Variants in GNE observed in about 807,000 individuals in gnomAD.
GNE encodes the protein glucosamine (UDP-N-acetyl)-2-epimerase/N-acetylmannosamine kinase, also known as bifunctional UDP-N-acetylglucosamine 2-epimerase/N-acetylmannosamine kinase.
In GNE, 41 loss-of-function variants were observed where a neutral mutation model predicts 61.8. That is an observed-to-expected ratio of 0.66 (90% CI 0.52 to 0.86). The LOEUF (loss-of-function observed/expected upper bound fraction) is 0.86, where lower values mean the gene tolerates loss of function less well. Ranked by LOEUF, GNE falls within the 40% of genes least tolerant of loss-of-function variation. The pLI is 0.00. For missense variants in GNE, 608 were observed against 909.1 expected (o/e 0.67, Z 4.26); for synonymous variants, 264 against 326.4 (o/e 0.81, Z 2.06).
chr9:36,216,327 ATGTGTG>A lies in GNE; in HGVS notation c.*1032_*1037del, dbSNP rs10527967. On this transcript the variant is annotated 3_prime_UTR_variant, in exon 12 of 12. Transcript: ENST00000642385. ...TTAGTTTGGGGTTAGAGGAGGAAGG[ATGTGTG>A]TGTGTGTGTGTGTGTGTGTGTAGAC... 2.9e-4 allele frequency: 105 copies of A among 357,594 alleles called. 2 individuals carry two copies. The highest frequency in any genetic ancestry group is 4.5e-4 in the Admixed American group (16 of 35,650). The allele number at this position is 357,594 out of a possible 1,614,324, so 22.2% of individuals were successfully genotyped here. A position where few individuals can be genotyped will look rare whatever the true frequency, so the allele number is the denominator to read the frequency against.
chr9:36,239,973 G>A (rs1244030004), intron 3 of GNE, among the ~76,000 whole-genome samples: 1 of 152,080 alleles, frequency 6.6e-6, no homozygotes, highest in African/African-American at 2.4e-5. Context: ...CTTGGTCGCT[G>A]TTGGTGTATA....
chr9:36,233,080 C>A lies in GNE; in HGVS notation c.982+840G>T, dbSNP rs555864818. The stretch of plus-strand genomic sequence containing the variant: ...TCATCTCCTTGGTTCTAGTCCAGTT[C>A]TTTTTCCTTTAATGATACACACTTT... On this transcript the variant is annotated intron_variant, in intron 5 of 11. Transcript: ENST00000642385. Among the ~76,000 whole-genome samples the A allele has an allele frequency of 2.6e-5, 4 of 152,276 alleles. No individual in the cohort carries two copies. In the South Asian group the frequency reaches 8.3e-4, roughly 32 times the overall value.
chr9:36,265,542 T>A, intron 1 of GNE: 1 of 447,288 alleles, frequency 2.2e-6, no homozygotes, highest in Non-Finnish European at 4.6e-6. Context: ...TTAAGCTGGA[T>A]ATTCCTGTTT....
upstream of GNE, among the ~76,000 whole-genome samples, chr9:36,259,740 AACCTCC>A (rs373810917): frequency 1.5e-3 from 222 of 152,278 alleles, 1 homozygote; most frequent in African/African-American, 5.0e-3. Context: ...AGCTCACTGA[AACCTCC>A]ACCTCCCAGG....
chr9:36,272,292 T>C (rs1831056790), intron 1 of GNE, among the ~76,000 whole-genome samples: 2 of 152,106 alleles, frequency 1.3e-5, no homozygotes, highest in South Asian at 4.2e-4. Flanking sequence ...GAGTTTTTAA[T>C]TAGGGAAATG....
At chr9:36,272,076 C>A (rs1317673257) in intron 1 of GNE, among the ~76,000 whole-genome samples, 1 of 152,164 alleles carries the variant, frequency 6.6e-6, no homozygotes, top group Admixed American at 6.6e-5. Context: ...ACACAACACT[C>A]TTGCTCAATC....
At chr9:36,276,806 T>A in intron 1 of GNE, 1 of 996,238 alleles carries the variant, frequency 1.0e-6, no homozygotes, top group Non-Finnish European at 1.6e-6. Flanking sequence ...AAAGCTTTCC[T>A]CTTCCTCTTT....
chr9:36,231,319 C>G (rs1291357679), intron 5 of GNE, among the ~76,000 whole-genome samples: 1 of 152,054 alleles, frequency 6.6e-6, no homozygotes, highest in East Asian at 1.9e-4. Context: ...TTTGTAAAAA[C>G]ATTAGCCAGG....
At chr9:36,228,920 G>C in intron 6 of GNE, 101 bp downstream of exon 6, 2 of 810,868 alleles carry the variant, frequency 2.5e-6, no homozygotes, top group South Asian at 2.7e-5. Context: ...GCATAAGAAG[G>C]AAAGCTCTGT....
intron 6 of GNE, among the ~76,000 whole-genome samples, chr9:36,228,032 C>CAAAAAAAAAAAAAAAAAAAAAAAACAAA (rs1385568208): frequency 2.1e-5 from 1 of 46,904 alleles, no homozygotes; most frequent in African/African-American, 7.2e-5. Flanking sequence ...GACTCCGTCT[C>CAAAAAAAAAAAAAAAAAAAAAAAACAAA]AAAAAAAAAA....
chr9:36,230,456 A>G (rs995516208), intron 5 of GNE, among the ~76,000 whole-genome samples: 3 of 149,656 alleles, frequency 2.0e-5, no homozygotes, highest in African/African-American at 7.4e-5. Flanking sequence ...TCTCTGCCCT[A>G]TTTACAAGTC....
At chr9:36,226,686 G>A (rs938632124) in intron 7 of GNE, among the ~76,000 whole-genome samples, 1 of 152,068 alleles carries the variant, frequency 6.6e-6, no homozygotes, top group Admixed American at 6.6e-5. Flanking sequence ...TTTCTAGTAG[G>A]TTTATTCTAA....
At position 36,227,404 on chromosome 9, in the gene GNE, T is replaced by C; in HGVS notation, c.1125A>G (p.Lys375=). Residue 375 remains lysine, a synonymous_variant, in exon 7 of 12, where the codon AAA becomes AAG. Coordinates refer to ENST00000642385, the MANE Select transcript of GNE (RefSeq NM_005476.7). ...NAVPRILKFL[K]SIDLQEPLQK... is the part of the protein sequence containing the mutation. ...GCAGTGGCTCTTGAAGATCGATAGA[T>C]TTGAGAAACTTCAAAATCCTTGGAA... The C allele has an allele frequency of 6.2e-7, 1 of 1,613,192 alleles. No individual in the cohort carries two copies. Among genetic ancestry groups the C allele is most frequent in the Non-Finnish European group, 8.5e-7 (1 of 1,179,146 alleles).
In GNE at chr9:36,273,221, A is replaced by T. The variant is rs867610839; in HGVS notation, c.51+3673T>A. ...GTGCTAGACATTATGCACTCCATAAATTTTTTTTTTTTTTGAGACAATGTC... is the reference window on the plus strand; with the variant it reads ...GTGCTAGACATTATGCACTCCATAATTTTTTTTTTTTTTTGAGACAATGTC... On this transcript the variant is annotated intron_variant, in intron 1 of 11. Transcript: ENST00000396594. Among the ~76,000 whole-genome samples, 452 of 146,424 alleles carry T rather than the reference A, an allele frequency of 3.1e-3. 2 individuals are homozygous for T. The highest frequency in any genetic ancestry group is 0.011 in the African/African-American group (430 of 39,838).
rs144471780 is a variant in GNE, at chr9:36,237,525, G to C, written c.617-541C>G. ...TCCCTAGGCTGGGATCCCAAGGACG[G>C]TTCCTCAGCAAAAATTTAAAAGGTA... On this transcript the variant is annotated intron_variant, in intron 3 of 11. Transcript: ENST00000642385. 1.4e-3 allele frequency among the ~76,000 whole-genome samples: 208 copies of C among 152,176 alleles called. 1 individual carries two copies. The highest frequency in any genetic ancestry group is 4.6e-3 in the African/African-American group (193 of 41,510).
At chr9:36,266,826 G>A (rs544258895) in intron 1 of GNE, among the ~76,000 whole-genome samples, 18 of 152,074 alleles carry the variant, frequency 1.2e-4, no homozygotes, top group Admixed American at 9.8e-4. Context: ...GGAGAATGGG[G>A]TGAACCCGGG....
chr9:36,252,154 T>G (rs1324215818), intron 1 of GNE, among the ~76,000 whole-genome samples: 1 of 151,958 alleles, frequency 6.6e-6, no homozygotes, highest in Non-Finnish European at 1.5e-5. Context: ...CTGGGCTAAT[T>G]TTTTCTATTT....
At chr9:36,225,186 C>G (rs953734158) in intron 7 of GNE, among the ~76,000 whole-genome samples, 11 of 151,868 alleles carry the variant, frequency 7.2e-5, no homozygotes, top group African/African-American at 2.4e-4. Flanking sequence ...TTAGAATTTT[C>G]TTTATATAGA....
chr9:36,257,595 A>C (rs1159588941), intron 1 of GNE, among the ~76,000 whole-genome samples: 1 of 151,606 alleles, frequency 6.6e-6, no homozygotes, highest in Non-Finnish European at 1.5e-5. Context: ...CGAGGTCAGG[A>C]GATCGAGACC....
Sources: allele counts gnomAD v4.1 joint callset (sites outside exome capture counted in the v4.1 genomes callset), GRCh38; gene constraint gnomAD v4.1.1; transcripts MANE v1.5; gene names NCBI Gene and HGNC (gene_info 2026-07-23, HGNC 2026-07-21).